The following FCHO1 variants were observed in gnomAD, a reference collection of about 807,000 sequenced individuals.
FCHO1 encodes FCH and mu domain containing endocytic adaptor 1.
FCHO1 carries 45 observed loss-of-function variants against 114.4 expected under a neutral mutation model. That is an observed-to-expected ratio of 0.39 (90% CI 0.31 to 0.50). The LOEUF (loss-of-function observed/expected upper bound fraction) is 0.50, where lower values mean the gene tolerates loss of function less well. Ranked by LOEUF, FCHO1 falls within the 20% of genes least tolerant of loss-of-function variation. The pLI is 0.77. For synonymous variants in FCHO1, 480 were observed against 488.9 expected (o/e 0.98, Z 0.24); for missense variants, 1,042 against 1,209.6 (o/e 0.86, Z 2.06).
chr19:17,785,639 CTG>C (rs1028915016), intron 26 of FCHO1, among the ~76,000 whole-genome samples: 1 of 152,046 alleles, frequency 6.6e-6, no homozygotes, highest in Admixed American at 6.6e-5. Flanking sequence ...CGAGACCATC[CTG>C]GTTAATATGG....
intron 20 of FCHO1, among the ~76,000 whole-genome samples, chr19:17,779,395 C>T (rs1394359279): frequency 1.3e-5 from 2 of 151,814 alleles, no homozygotes; most frequent in South Asian, 2.1e-4. Flanking sequence ...TCACAGGCTC[C>T]CTCTGGCAGC....
chr19:17,770,755 C>T lies in FCHO1; in HGVS notation c.490-37C>T, dbSNP rs774772787. On this transcript the variant is annotated intron_variant, in intron 8 of 28. Transcript: ENST00000596536. ...GGCCTGGGGGAGGCCCCCTGAGTAT[C>T]GCCCTCCCATCCCCGTTTCCTCCCT... The T allele has an allele frequency of 4.4e-6, 7 of 1,603,476 alleles. No individual in the cohort carries two copies. The East Asian group carries it at 8.9e-5, about 20-fold the overall frequency.
chr19:17,781,302 A>G lies in FCHO1; in HGVS notation c.1699A>G (p.Arg567Gly), dbSNP rs767619390. The G allele has an allele frequency of 1.2e-6, 2 of 1,613,998 alleles. No homozygotes were observed. Among genetic ancestry groups the G allele is most frequent in the Non-Finnish European group, 1.7e-6 (2 of 1,179,930 alleles). ...LAAPPRRLRS[R>G]KVSCPLTRSN... is the part of the protein sequence containing the mutation. ...AGCCCCACCCAGGAGACTTCGCTCT[A>G]GGAAGGTGTCCTGCCCTCTCACACG... Residue 567 changes from arginine to glycine, a missense_variant, in exon 21 of 29, where the codon AGG becomes GGG. By Grantham distance (125) the Arg-to-Gly change is moderately radical. Around this residue, in one of 3 missense-constraint regions of FCHO1, gnomAD observed 455 missense variants for 455.4 expected, o/e 1.00. Coordinates refer to ENST00000596536, the MANE Select transcript of FCHO1 (RefSeq NM_015122.3).
chr19:17,788,391 T>TCCCACCCCAGCCTCCCTGAGGCCC lies in FCHO1; in HGVS notation c.*86_*109dup. 1 of 1,026,770 alleles carries TCCCACCCCAGCCTCCCTGAGGCCC rather than the reference T, an allele frequency of 9.7e-7. No homozygotes were observed. The highest frequency in any genetic ancestry group is 1.5e-6 in the Non-Finnish European group (1 of 668,154). 63.6% of individuals were successfully genotyped at this position (1,026,770 alleles called of 1,614,324 possible). A position where few individuals can be genotyped will look rare whatever the true frequency, so the allele number is the denominator to read the frequency against. On this transcript the variant is annotated 3_prime_UTR_variant, in exon 29 of 29. Transcript: ENST00000596536. ...TGCCCTCCTGCCGGACCCTGGGGCCTCCCACCCCAGCCTCCCTGAGGCCCA... is the reference window on the plus strand; with the variant it reads ...TGCCCTCCTGCCGGACCCTGGGGCCTCCCACCCCAGCCTCCCTGAGGCCCCCCACCCCAGCCTCCCTGAGGCCCA...
chr19:17,770,361 C>A, intron 7 of FCHO1, 64 bp from the exon 8 acceptor site: 2 of 1,486,378 alleles, frequency 1.3e-6, no homozygotes, highest in Non-Finnish European at 1.8e-6. Context: ...GCTGACATCA[C>A]GTGGAGTGTT....
chr19:17,763,285 CAG>C (rs2087147338), intron 5 of FCHO1, among the ~76,000 whole-genome samples: 1 of 96,522 alleles, frequency 1.0e-5, no homozygotes. Flanking sequence ...TTTTTTTAAA[CAG>C]AGTTTTGCTC....
chr19:17,750,827 C>CTT (rs56003373), upstream of FCHO1, among the ~76,000 whole-genome samples: 20 of 134,280 alleles, frequency 1.5e-4, no homozygotes, highest in South Asian at 3.1e-3. Context: ...CCTTTCTTTT[C>CTT]TTTTTTTTTT....
At chr19:17,781,190 C>T (rs373484609) in intron 20 of FCHO1, 41 bp from the exon 21 acceptor site, 28 of 1,462,402 alleles carry the variant, frequency 1.9e-5, no homozygotes, top group Admixed American at 3.8e-5. Context: ...CCAGAGGCCC[C>T]GGGCAGCATC....
rs1418805274 is a variant in FCHO1 at position 17,776,629 on chromosome 19, T to G, written c.1208-6T>G. On this transcript the variant is annotated splice_polypyrimidine_tract_variant and splice_region_variant and intron_variant, in intron 17 of 28. Transcript: ENST00000596536. This position sits in a 1 kb window ranked among gnomAD's most constrained non-coding sequence, Gnocchi z 4.4. ...AAGAAGGCTGAAGGAGGTGCATCTCTTGTAGGGGACGCTGCTGGGAAACCC... is the reference window on the plus strand; with the variant it reads ...AAGAAGGCTGAAGGAGGTGCATCTCGTGTAGGGGACGCTGCTGGGAAACCC... 6.2e-7 allele frequency: 1 copy of G among 1,613,882 alleles called. No homozygotes were observed. Among genetic ancestry groups the G allele is most frequent in the Admixed American group, 1.7e-5 (1 of 59,998 alleles).
chr19:17,787,449 A>G (rs1407237526), intron 27 of FCHO1, among the ~76,000 whole-genome samples: 1 of 150,310 alleles, frequency 6.7e-6, no homozygotes, highest in Non-Finnish European at 1.5e-5. Context: ...AGGGCGTCCC[A>G]GGGCCAGATG....
At position 17,786,342 on chromosome 19, in the gene FCHO1, CACAAA is replaced by C. The variant is rs1159980599; in HGVS notation, c.2427-230_2427-226del. On this transcript the variant is annotated intron_variant, in intron 26 of 28. Transcript: ENST00000596536. ...AGGGAGACACCATCTCAAAAAAACA[CACAAA>C]AAAACACAAAACAAACACACACACA... 3.6e-3 allele frequency among the ~76,000 whole-genome samples: 425 copies of C among 116,646 alleles called. 1 individual carries two copies. The highest frequency in any genetic ancestry group is 0.021 in the African/African-American group (404 of 19,254). 76.5% of individuals were successfully genotyped at this position (116,646 alleles called of 152,430 possible).
Position 17,778,718 on chromosome 19 carries a change from C to T in FCHO1, c.1461C>T (p.Pro487=). 6.5e-7 allele frequency: 1 copy of T among 1,545,340 alleles called. No individual in the cohort carries two copies. The highest frequency in any genetic ancestry group is 8.7e-7 in the Non-Finnish European group (1 of 1,150,164). The change falls in exon 20 of 29, where the codon CCC becomes CCT. Residue 487 remains proline, a synonymous_variant. Coordinates refer to ENST00000596536, the MANE Select transcript of FCHO1 (RefSeq NM_015122.3). Reference sequence around the variant, plus strand: ...CTCCGTCCCACGCGGCACCTGGCCCCTCCCCAGATTCCTGGGTCCCCCGCC... The same window carrying T: ...CTCCGTCCCACGCGGCACCTGGCCCTTCCCCAGATTCCTGGGTCCCCCGCC... ...LDSPSHAAPG[P]SPDSWVPRPG...
intron 7 of FCHO1, among the ~76,000 whole-genome samples, chr19:17,769,848 A>T (rs957487757): frequency 6.9e-6 from 1 of 145,696 alleles, no homozygotes; most frequent in Non-Finnish European, 1.5e-5. Context: ...ACTTTTTTTT[A>T]AAGTTAAAAA....
intron 13 of FCHO1, chr19:17,774,810 C>T: frequency 1.7e-6 from 1 of 585,924 alleles, no homozygotes; most frequent in East Asian, 2.8e-5. Flanking sequence ...CTTCACAAGG[C>T]AGCCCTTCAA....
At position 17,751,742 on chromosome 19, in the gene FCHO1, C is replaced by T. The variant is rs561300269; in HGVS notation, c.-183+165C>T. On this transcript the variant is annotated intron_variant, in intron 1 of 28. Transcript: ENST00000596536. This position sits in a 1 kb window ranked among gnomAD's most constrained non-coding sequence, Gnocchi z 4.4. ...TGGGGCCACCCGTTGCCCTGCCCCCCGTCCCCCATTCCAGCTGTGAGTGGT... is the reference window on the plus strand; with the variant it reads ...TGGGGCCACCCGTTGCCCTGCCCCCTGTCCCCCATTCCAGCTGTGAGTGGT... Among the ~76,000 whole-genome samples, 5 of 152,372 alleles carry T rather than the reference C, an allele frequency of 3.3e-5. No individual in the cohort carries two copies. The highest frequency in any genetic ancestry group is 2.1e-4 in the South Asian group (1 of 4,832).
Position 17,762,913 on chromosome 19 carries a change from C to G in FCHO1, c.119+60C>G. On this transcript the variant is annotated intron_variant, in intron 5 of 28. Coordinates refer to ENST00000596536, the MANE Select transcript of FCHO1 (RefSeq NM_015122.3). ...GCCCACCATCCTGTAGTCACGCCCA[C>G]CTAATGGCTACGCCCTGCATGGTCA... is the stretch of plus-strand genomic sequence containing the variant. 3.4e-6 allele frequency: 4 copies of G among 1,167,544 alleles called. No homozygotes were observed. The South Asian group carries it at 4.9e-5, about 14-fold the overall frequency. 72.3% of individuals were successfully genotyped at this position (1,167,544 alleles called of 1,614,324 possible). A position where few individuals can be genotyped will look rare whatever the true frequency, so the allele number is the denominator to read the frequency against.
chr19:17,765,126 A>G (rs954490448), intron 6 of FCHO1, among the ~76,000 whole-genome samples: 26 of 151,176 alleles, frequency 1.7e-4, no homozygotes, highest in African/African-American at 6.1e-4. Flanking sequence ...GAGATCGGGC[A>G]CTTTCTCTGG....
At position 17,755,272 on chromosome 19, in the gene FCHO1, G is replaced by A. The variant is rs187773220; in HGVS notation, c.27+81G>A. The A allele has an allele frequency of 4.0e-4, 500 of 1,262,796 alleles. 5 individuals carry two copies. In the African/African-American group the frequency reaches 6.1e-3, roughly 15 times the overall value. 78.2% of individuals were successfully genotyped at this position (1,262,796 alleles called of 1,614,324 possible). A position where few individuals can be genotyped will look rare whatever the true frequency, so the allele number is the denominator to read the frequency against. On this transcript the variant is annotated intron_variant, in intron 4 of 28. Transcript: ENST00000596536. ...TGGAGATGGGAGGACTGGGTGAGTT[G>A]CGGTTACAGCCTTGGACAGGTAGAG...
Position 17,778,833 on chromosome 19 carries a change from C to A in FCHO1, c.1576C>A (p.Pro526Thr). 1 of 1,558,124 alleles carries A rather than the reference C, an allele frequency of 6.4e-7. No homozygotes were observed. Among genetic ancestry groups the A allele is most frequent in the Admixed American group, 1.8e-5 (1 of 54,096 alleles). Residue 526 changes from proline to threonine, a missense_variant, in exon 20 of 29, where the codon CCC (proline) becomes ACC (threonine). Transcript: ENST00000596536. Reference protein sequence around the residue: ...RAPPLPDSPQPLASSPGPWGL... With the variant: ...RAPPLPDSPQTLASSPGPWGL... Reference sequence around the variant, plus strand: ...ACCGCCTCTGCCAGACTCGCCGCAGCCCCTCGCCTCGTCTCCAGGCCCCTG... The same window carrying A: ...ACCGCCTCTGCCAGACTCGCCGCAGACCCTCGCCTCGTCTCCAGGCCCCTG...
Sources: gnomAD v4.1 joint callset for allele counts (sites outside exome capture counted in the v4.1 genomes callset) on GRCh38, gnomAD v4.1.1 for gene constraint, gnomAD v4.1.1 regional missense constraint, Gnocchi (gnomAD v3.1) non-coding constraint, MANE v1.5 for transcripts, NCBI Gene and HGNC (gene_info 2026-07-23, HGNC 2026-07-21) for gene names.